SLAMF9: variants seen among roughly 807,000 people sequenced by gnomAD.
SLAMF9 encodes SLAM family member 9.
Under a neutral mutation model 30.4 loss-of-function variants are expected in SLAMF9, and 25 were observed. The observed-to-expected ratio is 0.82, with a 90% CI of 0.60 to 1.15. The LOEUF (loss-of-function observed/expected upper bound fraction) is 1.15. Among genes scored for constraint, SLAMF9 ranks in the 50% most tolerant of loss-of-function variants. SLAMF9 has a pLI of 0.00. For synonymous variants in SLAMF9, 129 were observed against 127.2 expected (o/e 1.01, Z -0.09); for missense variants, 344 against 346.1 (o/e 0.99, Z 0.05).
the SLAMF9 span, among the ~76,000 whole-genome samples, chr1:159,978,375 G>A: frequency 1.3e-5 from 2 of 152,150 alleles, no homozygotes; most frequent in African/African-American, 4.8e-5. Context: ...ATCTGACGAG[G>A]TGGGTCTCAG....
chr1:159,976,926 AAG>A, the SLAMF9 span: 5 of 1,948 alleles, frequency 2.6e-3, no homozygotes, highest in Non-Finnish European at 7.3e-3. Flanking sequence ...GAAAGAAAGA[AAG>A]AAAGAAAGAA....
upstream of SLAMF9, among the ~76,000 whole-genome samples, chr1:159,954,454 C>T (rs1215536895): frequency 6.6e-6 from 1 of 152,192 alleles, no homozygotes; most frequent in African/African-American, 2.4e-5. Context: ...CTACCCGCCC[C>T]AGGTCCCCGC....
At chr1:159,953,713 G>A (rs577353726) in intron 1 of SLAMF9, 60 bp from the exon 2 acceptor site, 2 of 1,468,394 alleles carry the variant, frequency 1.4e-6, no homozygotes, top group East Asian at 4.6e-5. Flanking sequence ...TGCTGAACCT[G>A]GCAGTGGAGC....
the SLAMF9 span, among the ~76,000 whole-genome samples, chr1:159,961,671 C>T: frequency 1.2e-4 from 19 of 152,238 alleles, no homozygotes; most frequent in African/African-American, 4.3e-4. Flanking sequence ...GAGTGTTCCT[C>T]GCAGAGGGAG....
At chr1:159,966,639 A>T in the SLAMF9 span, among the ~76,000 whole-genome samples, 1 of 152,012 alleles carries the variant, frequency 6.6e-6, no homozygotes, top group African/African-American at 2.4e-5. Context: ...ATCTTTTATC[A>T]TTTTGATAAA....
chr1:159,972,922 C>T, the SLAMF9 span: 6 of 1,009,402 alleles, frequency 5.9e-6, no homozygotes, highest in African/African-American at 1.7e-5. Context: ...CTTCCCACAA[C>T]TCCTCTCCTC....
chr1:159,974,156 G>T, the SLAMF9 span: 2 of 905,776 alleles, frequency 2.2e-6, no homozygotes, highest in Non-Finnish European at 3.5e-6. Flanking sequence ...CTCTGCTGGG[G>T]ATGGAGGCCC....
chr1:159,951,959 CAA>C, intron 3 of SLAMF9, 93 bp from the exon 4 acceptor site: 1 of 1,058,958 alleles, frequency 9.4e-7, no homozygotes, highest in South Asian at 1.5e-5. Flanking sequence ...GAAGGGGTCT[CAA>C]GTTCACAATC....
the SLAMF9 span, chr1:159,977,134 G>A: frequency 1.3e-5 from 2 of 152,170 alleles, no homozygotes; most frequent in African/African-American, 4.8e-5. Flanking sequence ...GACAAGTATA[G>A]CTACCTGGGT....
At chr1:159,959,018 G>A (rs973788463), upstream of SLAMF9, among the ~76,000 whole-genome samples, 5 of 152,092 alleles carry the variant, frequency 3.3e-5, no homozygotes, top group Admixed American at 2.0e-4. Context: ...AGGTCTTCCA[G>A]GCTAGAGGCT....
Position 159,952,845 on chromosome 1 carries a change from C to T in SLAMF9, c.392-311G>A, listed in dbSNP as rs1397641836. Among the ~76,000 whole-genome samples the T allele has an allele frequency of 3.3e-5, 5 of 152,202 alleles. No homozygotes were observed. In the East Asian group the frequency reaches 7.7e-4, roughly 23 times the overall value. ...CTTGATCCCATGAAATATTATCGCC[C>T]CTCTCAGGGGCATTTACATTTTAAT... On this transcript the variant is annotated intron_variant, in intron 2 of 3. Coordinates refer to ENST00000368093, the MANE Select transcript of SLAMF9 (RefSeq NM_033438.4).
chr1:159,952,665 G>T, intron 2 of SLAMF9, 131 bp from the exon 3 acceptor site: 1 of 958,932 alleles, frequency 1.0e-6, no homozygotes, highest in Non-Finnish European at 1.5e-6. Context: ...ATAGGCAAAA[G>T]CAAACAAACC....
chr1:159,954,062 T>A, intron 1 of SLAMF9, 30 bp downstream of exon 1: 1 of 1,613,644 alleles, frequency 6.2e-7, no homozygotes. Flanking sequence ...TAGGGGACAT[T>A]CCTGTGCACG....
chr1:159,952,336 G>A lies in SLAMF9; in HGVS notation c.590C>T (p.Ser197Phe), dbSNP rs868690064. The change falls in exon 3 of 4, where the codon TCC becomes TTC. Residue 197 changes from serine (S) to phenylalanine (F), a missense_variant. Physicochemically the swap from Ser to Phe is radical, Grantham distance 155. Coordinates refer to ENST00000368093, the MANE Select transcript of SLAMF9 (RefSeq NM_033438.4). ...GGGGTTGTTGGCTCTGCAGGTGTAG[G>A]AGAGGGCACTGTCCCCCGGCCTCCA... ...TSWRPGDSAL[S>F]YTCRANNPIS... 2 of 1,614,124 alleles carry A rather than the reference G, an allele frequency of 1.2e-6. No homozygotes were observed. The highest frequency in any genetic ancestry group is 2.2e-5 in the East Asian group (1 of 44,876).
upstream of SLAMF9, among the ~76,000 whole-genome samples, chr1:159,957,440 A>G (rs1349733225): frequency 1.3e-5 from 2 of 152,144 alleles, no homozygotes; most frequent in South Asian, 4.1e-4. Flanking sequence ...CCTGGCCAAC[A>G]TGGTGAAATC....
At chr1:159,976,591 A>ATATATGTGAATTGAAACAT in the SLAMF9 span, 2 of 152,168 alleles carry the variant, frequency 1.3e-5, no homozygotes, top group African/African-American at 4.8e-5. Context: ...TATATGTTTC[A>ATATATGTGAATTGAAACAT]ATTAAAAAGC....
At chr1:159,973,543 C>T in the SLAMF9 span, among the ~76,000 whole-genome samples, 1 of 152,182 alleles carries the variant, frequency 6.6e-6, no homozygotes, top group Non-Finnish European at 1.5e-5. Context: ...AAGGGTGAGC[C>T]TGGACTGGTC....
chr1:159,954,606 A>G (rs1052576268), upstream of SLAMF9, among the ~76,000 whole-genome samples: 2 of 152,100 alleles, frequency 1.3e-5, no homozygotes, highest in Non-Finnish European at 2.9e-5. Flanking sequence ...CCCCAGACAG[A>G]CTTCATCTTT....
the SLAMF9 span, among the ~76,000 whole-genome samples, chr1:159,970,131 A>G: frequency 6.6e-6 from 1 of 152,238 alleles, no homozygotes; most frequent in African/African-American, 2.4e-5. Flanking sequence ...TAAAACCACA[A>G]AAGCATGCCA....
Sources: gnomAD v4.1 joint callset for allele counts (sites outside exome capture counted in the v4.1 genomes callset) on GRCh38, gnomAD v4.1.1 for gene constraint, MANE v1.5 for transcripts, NCBI Gene and HGNC (gene_info 2026-07-23, HGNC 2026-07-21) for gene names.